Variants in FEZ2 observed in about 807,000 individuals in gnomAD.
The protein encoded by FEZ2 is fasciculation and elongation protein zeta 2, also known as fasciculation and elongation protein zeta-2.
FEZ2 carries 51 observed loss-of-function variants against 40.4 expected under a neutral mutation model. The observed-to-expected ratio is 1.26, with a 90% CI of 1.01 to 1.59. The LOEUF (loss-of-function observed/expected upper bound fraction) is 1.59. FEZ2 is among the 40% of genes most tolerant of loss of function. The pLI is 0.00. For synonymous variants in FEZ2, 242 were observed against 172.0 expected (o/e 1.41, Z -3.18); for missense variants, 640 against 438.3 (o/e 1.46, Z -4.11).
At chr2:36,593,955 C>T (rs115424030) in intron 1 of FEZ2, among the ~76,000 whole-genome samples, 1,974 of 151,970 alleles carry the variant, frequency 0.013, 48 homozygotes, top group African/African-American at 0.045. Context: ...CTCCTGAATG[C>T]TTTACTGCTT....
At chr2:36,570,123 T>C (rs1050266836) in intron 5 of FEZ2, among the ~76,000 whole-genome samples, 2 of 151,964 alleles carry the variant, frequency 1.3e-5, no homozygotes, top group African/African-American at 2.4e-5. Flanking sequence ...ATAGTTAAGA[T>C]ATTATTTAAG....
At chr2:36,591,743 G>T (rs1669078807) in intron 1 of FEZ2, among the ~76,000 whole-genome samples, 1 of 152,098 alleles carries the variant, frequency 6.6e-6, no homozygotes, top group African/African-American at 2.4e-5. Context: ...AATGGTAAGG[G>T]CATTTGACTG....
chr2:36,567,393 G>C (rs1243868212), intron 5 of FEZ2, among the ~76,000 whole-genome samples: 1 of 152,182 alleles, frequency 6.6e-6, no homozygotes, highest in Non-Finnish European at 1.5e-5. Context: ...TCTAGTCTAG[G>C]AAAGTAAGAT....
At chr2:36,590,199 C>A (rs1241085274) in intron 2 of FEZ2, 1 of 152,196 alleles carries the variant, frequency 6.6e-6, no homozygotes, top group East Asian at 1.9e-4. Context: ...ACTAAAATAT[C>A]TTTTAAAGGT....
Position 36,552,378 on chromosome 2 carries a change from C to T in FEZ2, c.*785G>A. 5.4e-6 allele frequency: 2 copies of T among 371,322 alleles called. No homozygotes were observed. The highest frequency in any genetic ancestry group is 1.0e-5 in the Non-Finnish European group (2 of 192,240). The allele number at this position is 371,322 out of a possible 1,614,324, so 23.0% of individuals were successfully genotyped here. ...AGAATTCATACTTAAGAAAAACACA[C>T]AGGCATGAATAAAATAGGACACAGT... On this transcript the variant is annotated 3_prime_UTR_variant, in exon 8 of 8. Transcript: ENST00000405912.
chr2:36,564,558 ATAAC>A (rs996969538), intron 5 of FEZ2, among the ~76,000 whole-genome samples: 3 of 152,206 alleles, frequency 2.0e-5, no homozygotes, highest in African/African-American at 4.8e-5. Flanking sequence ...AATGCTGCAG[ATAAC>A]TAACACATGC....
intron 5 of FEZ2, among the ~76,000 whole-genome samples, chr2:36,568,142 TA>T (rs1194856365): frequency 1.3e-5 from 2 of 151,992 alleles, no homozygotes; most frequent in East Asian, 3.9e-4. Context: ...GCTTAAATTT[TA>T]TAAGTAGGAG....
chr2:36,558,380 G>A, intron 6 of FEZ2, 58 bp downstream of exon 6: 2 of 1,045,284 alleles, frequency 1.9e-6, no homozygotes, highest in Non-Finnish European at 2.8e-6. Context: ...ACTAAAGTCA[G>A]GTGTTTACCA....
At chr2:36,572,554 G>A (rs1033372241) in intron 5 of FEZ2, among the ~76,000 whole-genome samples, 5 of 152,048 alleles carry the variant, frequency 3.3e-5, no homozygotes, top group African/African-American at 7.3e-5. Context: ...CAGTCTCTAC[G>A]GCAACCACTC....
rs1234981364 is a variant in FEZ2 at position 36,597,940 on chromosome 2, C to T, written c.203G>A (p.Gly68Asp). The change falls in exon 1 of 8, where the codon GGC (glycine) becomes GAC (aspartate). Residue 68 changes from glycine (G) to aspartate (D), a missense_variant. Coordinates refer to ENST00000405912, the MANE Select transcript of FEZ2 (RefSeq NM_005102.3). Reference sequence around the variant, plus strand: ...CACGGCCGTCCTCGGGGGCTCGGCGCCCGGATCCGAGGGGCGGAAGCACAG... The same window carrying T: ...CACGGCCGTCCTCGGGGGCTCGGCGTCCGGATCCGAGGGGCGGAAGCACAG... ...LSLCFRPSDP[G>D]AEPPRTAVRP... The T allele has an allele frequency of 2.1e-6, 3 of 1,448,160 alleles. No individual in the cohort carries two copies. The South Asian group carries it at 4.1e-5, about 20-fold the overall frequency. The allele number at this position is 1,448,160 out of a possible 1,614,324, so 89.7% of individuals were successfully genotyped here.
At chr2:36,574,299 T>C (rs1668500887) in intron 5 of FEZ2, among the ~76,000 whole-genome samples, 1 of 152,224 alleles carries the variant, frequency 6.6e-6, no homozygotes, top group Non-Finnish European at 1.5e-5. Flanking sequence ...ATATTCACTG[T>C]CCATGGGTTT....
At position 36,572,407 on chromosome 2, in the gene FEZ2, T is replaced by C. The variant is rs182117627; in HGVS notation, c.903+6190A>G. On this transcript the variant is annotated intron_variant, in intron 5 of 7. Coordinates refer to ENST00000405912, the MANE Select transcript of FEZ2 (RefSeq NM_005102.3). ...CTTTAGAAACATTACAGTACTCTTT[T>C]TATCTATGCAAACTCACTTAACTGG... Among the ~76,000 whole-genome samples, 4 of 152,352 alleles carry C rather than the reference T, an allele frequency of 2.6e-5. No homozygotes were observed. The East Asian group carries it at 7.7e-4, about 29-fold the overall frequency.
At chr2:36,575,004 A>G (rs192196485) in intron 5 of FEZ2, among the ~76,000 whole-genome samples, 47 of 152,312 alleles carry the variant, frequency 3.1e-4, no homozygotes, top group South Asian at 6.2e-4. Flanking sequence ...GACACTCTCC[A>G]AAACAGCTTC....
chr2:36,586,406 G>A (rs193283497), intron 2 of FEZ2, among the ~76,000 whole-genome samples: 303 of 152,258 alleles, frequency 2.0e-3, no homozygotes, highest in Middle Eastern at 3.4e-3. Context: ...AGGCTGAGGC[G>A]GGTGGATTGC....
chr2:36,595,595 C>T (rs1277061227), intron 1 of FEZ2, among the ~76,000 whole-genome samples: 4 of 152,144 alleles, frequency 2.6e-5, no homozygotes, highest in South Asian at 2.1e-4. Context: ...GTTCCAGTAC[C>T]GGTCTGTGGA....
At chr2:36,580,065 A>C (rs1164821161) in intron 4 of FEZ2, among the ~76,000 whole-genome samples, 1 of 152,188 alleles carries the variant, frequency 6.6e-6, no homozygotes, top group Non-Finnish European at 1.5e-5. Flanking sequence ...AAAAAAACCA[A>C]ACCTGCCAAC....
At position 36,572,017 on chromosome 2, in the gene FEZ2, GAAAAAAAAAAAAAAAA is replaced by G. The variant is rs34787798; in HGVS notation, c.903+6564_903+6579del. Reference sequence around the variant, plus strand: ...GCGGCTGAGTGAGACTCCGTCTCAGGAAAAAAAAAAAAAAAAAAAAAAAAAAAGATAAAGGGGAAAA... The same window carrying G: ...GCGGCTGAGTGAGACTCCGTCTCAGGAAAAAAAAAAAGATAAAGGGGAAAA... On this transcript the variant is annotated intron_variant, in intron 5 of 7. Transcript: ENST00000405912. Among the ~76,000 whole-genome samples the G allele has an allele frequency of 1.6e-4, 18 of 110,116 alleles. No homozygotes were observed. In the East Asian group the frequency reaches 3.7e-3, roughly 22 times the overall value. The allele number at this position is 110,116 out of a possible 152,430, so 72.2% of individuals were successfully genotyped here.
chr2:36,557,535 A>G (rs1236184205), intron 6 of FEZ2: 1 of 152,136 alleles, frequency 6.6e-6, no homozygotes, highest in African/African-American at 2.4e-5. Flanking sequence ...ATGCTCTTTC[A>G]TTTGGTTCCC....
chr2:36,576,975 C>G (rs945990140), intron 5 of FEZ2, among the ~76,000 whole-genome samples: 21 of 152,328 alleles, frequency 1.4e-4, no homozygotes, highest in Middle Eastern at 6.8e-3. Context: ...ACCAACCATG[C>G]TATGACTTTT....
Sources: allele counts gnomAD v4.1 joint callset (sites outside exome capture counted in the v4.1 genomes callset), GRCh38; gene constraint gnomAD v4.1.1; transcripts MANE v1.5; gene names NCBI Gene and HGNC (gene_info 2026-07-23, HGNC 2026-07-21).